PDE6A: variants seen among roughly 807,000 people sequenced by gnomAD.
PDE6A encodes the protein phosphodiesterase 6A.
In PDE6A, 84 loss-of-function variants were observed where a neutral mutation model predicts 106.3. The ratio of observed to expected loss-of-function variants is 0.79; its 90% CI spans 0.66 to 0.95. The LOEUF (loss-of-function observed/expected upper bound fraction) is 0.95, where lower values mean the gene tolerates loss of function less well. PDE6A is among the 40% of genes least tolerant of loss of function. The pLI is 0.00. For synonymous variants in PDE6A, 394 were observed against 386.6 expected, an observed-to-expected ratio of 1.02 and a Z score of -0.23; for missense variants, 1,052 against 1,084.9, an observed-to-expected ratio of 0.97 and a Z score of 0.43.
intron 1 of PDE6A, among the ~76,000 whole-genome samples, chr5:149,937,510 T>G (rs951026245): frequency 1.3e-5 from 2 of 152,280 alleles, no homozygotes; most frequent in African/African-American, 4.8e-5. Flanking sequence ...CCAGAGAATC[T>G]GAAACAACAG....
At chr5:149,896,564 T>C (rs1752759744) in intron 11 of PDE6A, 62 bp from the exon 12 acceptor site, 1 of 1,613,938 alleles carries the variant, frequency 6.2e-7, no homozygotes, top group Non-Finnish European at 8.5e-7. Context: ...GCCCACCTCC[T>C]GTCCAGCCCT....
At chr5:149,906,794 T>C (rs245067) in intron 7 of PDE6A, among the ~76,000 whole-genome samples, 116,453 of 151,772 alleles carry the variant, frequency 0.77, 44,798 homozygotes, top group Admixed American at 0.78. Flanking sequence ...TTTTTTGAGA[T>C]GGAGTCTCAC....
chr5:149,921,021 G>A (rs535092084), intron 5 of PDE6A, among the ~76,000 whole-genome samples: 14 of 144,256 alleles, frequency 9.7e-5, no homozygotes, highest in South Asian at 2.2e-4. Context: ...GAAAACCTAC[G>A]TAGCCAAGCA....
At chr5:149,912,619 GC>G (rs1356374900) in intron 6 of PDE6A, among the ~76,000 whole-genome samples, 1 of 152,118 alleles carries the variant, frequency 6.6e-6, no homozygotes, top group Non-Finnish European at 1.5e-5. Context: ...CAAAATGGCA[GC>G]TGCTTTATCA....
rs755527251 is a variant in PDE6A, at chr5:149,895,194, A to G, written c.1717T>C (p.Ser573Pro). 5.6e-6 allele frequency: 9 copies of G among 1,612,442 alleles called. No individual in the cohort carries two copies. Among genetic ancestry groups the G allele is most frequent in the Non-Finnish European group, 6.8e-6 (8 of 1,178,484 alleles). ...CGGCCCCGCCATACCACCAGCAGGG[A>G]GAACATGGTCTGCCCCACGTTGAAG... ...HGFNVGQTMFSLLVTGKLKRY... is the reference protein window; with the variant it reads ...HGFNVGQTMFPLLVTGKLKRY... Residue 573 changes from serine (S) to proline (P), a missense_variant, in exon 13 of 22, where the codon TCC becomes CCC. This residue lies in a region of PDE6A where 913 missense variants were observed against 915.2 expected (regional missense o/e 1.00). Coordinates refer to ENST00000255266, the MANE Select transcript of PDE6A (RefSeq NM_000440.3).
intron 13 of PDE6A, 21 bp from the exon 14 acceptor site, chr5:149,886,395 C>T: frequency 6.4e-7 from 1 of 1,572,530 alleles, no homozygotes; most frequent in South Asian, 1.1e-5. Context: ...AATCAGAGTG[C>T]AAATCATTCC....
At chr5:149,883,172 A>G (rs952997651) in intron 17 of PDE6A, among the ~76,000 whole-genome samples, 1 of 152,254 alleles carries the variant, frequency 6.6e-6, no homozygotes, top group Non-Finnish European at 1.5e-5. Context: ...TTATGATTGA[A>G]CTACTTCAAA....
At chr5:149,865,796 T>C (rs1222285922) in intron 20 of PDE6A, among the ~76,000 whole-genome samples, 2 of 152,222 alleles carry the variant, frequency 1.3e-5, no homozygotes, top group African/African-American at 4.8e-5. Context: ...GAGACCAACT[T>C]TGAATAAGAG....
intron 1 of PDE6A, 60 bp downstream of exon 1, chr5:149,944,140 G>A: frequency 2.2e-6 from 3 of 1,382,096 alleles, no homozygotes; most frequent in Non-Finnish European, 2.1e-6. Context: ...CACCCCACCT[G>A]TACCCCAGAA....
intron 7 of PDE6A, among the ~76,000 whole-genome samples, chr5:149,905,025 C>A (rs1250685325): frequency 6.6e-6 from 1 of 152,206 alleles, no homozygotes; most frequent in Non-Finnish European, 1.5e-5. Flanking sequence ...CCACCAATAA[C>A]CTCTCCAGTG....
At chr5:149,894,456 T>C (rs1042833925) in intron 13 of PDE6A, among the ~76,000 whole-genome samples, 1 of 152,146 alleles carries the variant, frequency 6.6e-6, no homozygotes, top group African/African-American at 2.4e-5. Flanking sequence ...CAAGGTTTTC[T>C]AATCTTTATT....
Position 149,861,283 on chromosome 5 carries a change from C to T in PDE6A, c.2507-312G>A, listed in dbSNP as rs1276804552. 5.9e-5 allele frequency among the ~76,000 whole-genome samples: 9 copies of T among 152,344 alleles called. No homozygotes were observed. In the South Asian group the frequency reaches 6.2e-4, roughly 11 times the overall value. On this transcript the variant is annotated intron_variant, in intron 21 of 21. Coordinates refer to ENST00000255266, the MANE Select transcript of PDE6A (RefSeq NM_000440.3). ...TCATCTAAAGGGGGCAGTTGCCACT[C>T]GGCTTCAGCCAATTGTTGTCATGCA...
intron 17 of PDE6A, among the ~76,000 whole-genome samples, chr5:149,879,042 GTTTAT>G (rs201436288): frequency 0.012 from 1,861 of 151,994 alleles, 23 homozygotes; most frequent in Admixed American, 0.023. Context: ...TTTTATTTAT[GTTTAT>G]TTTATTTTGT....
intron 17 of PDE6A, among the ~76,000 whole-genome samples, chr5:149,871,627 G>A (rs1760556752): frequency 6.6e-6 from 1 of 152,170 alleles, no homozygotes; most frequent in Non-Finnish European, 1.5e-5. Flanking sequence ...TGGGAGACCT[G>A]GTAAGAGAAG....
chr5:149,915,289 G>T (rs112018196), intron 5 of PDE6A, among the ~76,000 whole-genome samples: 1 of 152,040 alleles, frequency 6.6e-6, no homozygotes, highest in South Asian at 2.1e-4. Context: ...GATTACAGGC[G>T]TGAGCCACTG....
In PDE6A at chr5:149,863,479, T is replaced by G. The variant is rs113751293; in HGVS notation, c.2359-213A>C. Among the ~76,000 whole-genome samples the G allele has an allele frequency of 2.0e-3, 304 of 152,320 alleles. 1 individual carries two copies. Among genetic ancestry groups the G allele is most frequent in the African/African-American group, 7.0e-3 (292 of 41,572 alleles). ...CCTGTGGCGCCCCTGTCCTTCAGCA[T>G]GAAGTGAAAACCCCTTACTATGGCT... On this transcript the variant is annotated intron_variant, in intron 20 of 21. Transcript: ENST00000255266. This position sits in a 1 kb window ranked among gnomAD's most constrained non-coding sequence, Gnocchi z 4.7.
chr5:149,865,211 A>T lies in PDE6A; in HGVS notation c.2358+959T>A, dbSNP rs950258030. ...GCTGAGATCGCACCACTGCACTCCA[A>T]CCTGGGTGACAGAGTGAGATTCTGT... is the stretch of plus-strand genomic sequence containing the variant. On this transcript the variant is annotated intron_variant, in intron 20 of 21. Transcript: ENST00000255266. Among the ~76,000 whole-genome samples, 17 of 147,226 alleles carry T rather than the reference A, an allele frequency of 1.2e-4. No individual in the cohort carries two copies. The South Asian group carries it at 3.4e-3, about 30-fold the overall frequency.
rs1754018696 is a variant in PDE6A at position 149,931,029 on chromosome 5, T to C, written c.857A>G (p.Lys286Arg). The C allele has an allele frequency of 2.5e-6, 4 of 1,613,940 alleles. No individual in the cohort carries two copies. The Admixed American group carries it at 5.0e-5, about 20-fold the overall frequency. ...SVGLLDMTKQ[K>R]EFFDVWPVLM... ...TGTCTGTTGCTGAAGTTTTCTCACC[T>C]TCTGCTTGGTCATGTCTAAGAGACC... Residue 286 changes from lysine (K) to arginine (R), a missense_variant and splice_region_variant, in exon 4 of 22, where the codon AAG (lysine) becomes AGG (arginine). Physicochemically the swap from Lys to Arg is conservative, Grantham distance 26. This residue lies in a region of PDE6A where 913 missense variants were observed against 915.2 expected (regional missense o/e 1.00). Transcript: ENST00000255266.
chr5:149,868,104 C>T lies in PDE6A; in HGVS notation c.2190G>A (p.Val730=). 1 of 1,614,142 alleles carries T rather than the reference C, an allele frequency of 6.2e-7. No individual in the cohort carries two copies. The highest frequency in any genetic ancestry group is 8.5e-7 in the Non-Finnish European group (1 of 1,179,980). The change falls in exon 18 of 22, where the codon GTG becomes GTA. Residue 730 remains valine, a synonymous_variant. Coordinates refer to ENST00000255266, the MANE Select transcript of PDE6A (RefSeq NM_000440.3). ...DLSAITKPWE[V]QSQVALLVAA... ...CAGCAGGAGTTCATACCTGGCTCTG[C>T]ACCTCCCAGGGTTTGGTGATGGCTG...
Sources: gnomAD v4.1 joint callset for allele counts (sites outside exome capture counted in the v4.1 genomes callset) on GRCh38, gnomAD v4.1.1 for gene constraint, gnomAD v4.1.1 regional missense constraint, Gnocchi (gnomAD v3.1) non-coding constraint, MANE v1.5 for transcripts, NCBI Gene and HGNC (gene_info 2026-07-23, HGNC 2026-07-21) for gene names.